NT5C2: variants seen among roughly 807,000 people sequenced by gnomAD.
NT5C2 encodes the protein cytosolic purine 5'-nucleotidase.
Under a neutral mutation model 76.1 loss-of-function variants are expected in NT5C2, and 58 were observed. The ratio of observed to expected loss-of-function variants is 0.76; its 90% CI spans 0.62 to 0.95. The LOEUF (loss-of-function observed/expected upper bound fraction) is 0.95. NT5C2 is among the 40% of genes least tolerant of loss of function. NT5C2 has a pLI of 0.00. For missense variants in NT5C2, 478 were observed against 690.3 expected (o/e 0.69, Z 3.45); for synonymous variants, 229 against 237.4 (o/e 0.96, Z 0.32).
intron 4 of NT5C2, among the ~76,000 whole-genome samples, chr10:103,135,913 C>T (rs1466802919): frequency 6.6e-6 from 1 of 151,584 alleles, no homozygotes; most frequent in African/African-American, 2.4e-5. Flanking sequence ...GGTGAAACCC[C>T]ATCTCTATTA....
intron 4 of NT5C2, among the ~76,000 whole-genome samples, chr10:103,119,695 G>A (rs1158327734): frequency 6.6e-6 from 1 of 152,202 alleles, no homozygotes; most frequent in African/African-American, 2.4e-5. Context: ...GCTATCAATA[G>A]TAAGTTCAGC....
At chr10:103,120,432 A>AT (rs2075424013) in intron 4 of NT5C2, among the ~76,000 whole-genome samples, 1 of 151,784 alleles carries the variant, frequency 6.6e-6, no homozygotes, top group South Asian at 2.1e-4. Context: ...AATATGCAGA[A>AT]TGTGTAACTC....
At chr10:103,146,319 C>T in intron 3 of NT5C2, 7 of 985,406 alleles carry the variant, frequency 7.1e-6, no homozygotes, top group Non-Finnish European at 8.4e-6. Context: ...TCTGTAACTC[C>T]TCCCCTTGCC....
chr10:103,106,650 C>T lies in NT5C2; in HGVS notation c.232G>A (p.Val78Ile), dbSNP rs2071354086. ...LGFELTVERL[V>I]SIGYPQELLS... ...AACTCCTGGGGATAGCCAATAGAAA[C>T]TAATCTCTCCACAGTAAGCTCAAAA... Residue 78 changes from valine to isoleucine, a missense_variant, in exon 5 of 19, where the codon GTT becomes ATT. Coordinates refer to ENST00000404739, the MANE Select transcript of NT5C2 (RefSeq NM_001351169.2). The T allele has an allele frequency of 8.1e-6, 13 of 1,613,906 alleles. No individual in the cohort carries two copies. Among genetic ancestry groups the T allele is most frequent in the Non-Finnish European group, 1.0e-5 (12 of 1,179,834 alleles).
At chr10:103,091,116 C>T in intron 16 of NT5C2, 120 bp from the exon 17 acceptor site, 1 of 795,044 alleles carries the variant, frequency 1.3e-6, no homozygotes, top group Non-Finnish European at 2.1e-6. Context: ...CTCACTGCAA[C>T]CTCTGCCTCC....
intron 3 of NT5C2, chr10:103,146,504 G>C (rs2081509324): frequency 4.6e-6 from 4 of 870,588 alleles, no homozygotes; most frequent in Admixed American, 6.2e-5. Flanking sequence ...TGCTTTTTGA[G>C]AGGGCAAATT....
Position 103,093,965 on chromosome 10 carries a change from G to A in NT5C2, c.988+7C>T, listed in dbSNP as rs756554714. 8.7e-6 allele frequency: 14 copies of A among 1,608,642 alleles called. No individual in the cohort carries two copies. Among genetic ancestry groups the A allele is most frequent in the Middle Eastern group, 1.7e-4 (1 of 6,056 alleles). ...AGACATTAAATAAAGGGAAGTCTGTGACTTACCTCCTGAGTAGACGATACC... is the reference window on the plus strand; with the variant it reads ...AGACATTAAATAAAGGGAAGTCTGTAACTTACCTCCTGAGTAGACGATACC... On this transcript the variant is annotated splice_region_variant and intron_variant, in intron 14 of 18. Coordinates refer to ENST00000404739, the MANE Select transcript of NT5C2 (RefSeq NM_001351169.2).
At chr10:103,178,733 C>T (rs886980181) in intron 2 of NT5C2, among the ~76,000 whole-genome samples, 6 of 150,208 alleles carry the variant, frequency 4.0e-5, no homozygotes, top group Non-Finnish European at 7.4e-5. Context: ...AGGTGGCTGA[C>T]GCAGGAGAAT....
chr10:103,153,400 G>T, intron 3 of NT5C2: 3 of 1,164,704 alleles, frequency 2.6e-6, no homozygotes, highest in South Asian at 3.3e-5. Flanking sequence ...AAAGCACAGA[G>T]AACTCAGGCC....
At chr10:103,125,337 G>GT in intron 4 of NT5C2, 1 of 415,690 alleles carries the variant, frequency 2.4e-6, no homozygotes, top group South Asian at 2.2e-5. Flanking sequence ...GCACAGCCTA[G>GT]TAAGAACCTG....
chr10:103,148,729 T>C (rs2081937612), intron 3 of NT5C2, among the ~76,000 whole-genome samples: 1 of 152,136 alleles, frequency 6.6e-6, no homozygotes, highest in African/African-American at 2.4e-5. Context: ...GAAATTATAA[T>C]ACTCATTTTA....
chr10:103,106,826 T>G, intron 4 of NT5C2, 120 bp from the exon 5 acceptor site: 1 of 705,790 alleles, frequency 1.4e-6, no homozygotes. Context: ...GCCATTTTTC[T>G]TCTTCCCCCT....
intron 3 of NT5C2, chr10:103,169,203 T>A (rs1005021734): frequency 6.6e-6 from 1 of 152,166 alleles, no homozygotes; most frequent in Admixed American, 6.5e-5. Flanking sequence ...GATTTAGCCA[T>A]TCCATATCAA....
chr10:103,146,471 T>C, intron 3 of NT5C2: 3 of 983,824 alleles, frequency 3.0e-6, no homozygotes, highest in Non-Finnish European at 3.6e-6. Flanking sequence ...TTTGCTACAA[T>C]CAAGAAAAGA....
At chr10:103,181,135 A>G (rs1219541921) in intron 2 of NT5C2, 50 bp downstream of exon 2, 2 of 151,980 alleles carry the variant, frequency 1.3e-5, no homozygotes, top group African/African-American at 4.8e-5. Context: ...TCATGGGTAC[A>G]TATATATATG....
At chr10:103,136,869 C>T (rs763967800) in intron 4 of NT5C2, among the ~76,000 whole-genome samples, 15 of 152,092 alleles carry the variant, frequency 9.9e-5, no homozygotes, top group Non-Finnish European at 1.5e-4. Flanking sequence ...GTAATCCACC[C>T]GCCTCAGTCT....
chr10:103,096,988 GTT>G (rs2068374922), intron 11 of NT5C2, among the ~76,000 whole-genome samples: 1 of 151,472 alleles, frequency 6.6e-6, no homozygotes, highest in South Asian at 2.1e-4. Context: ...GACTGCTCAA[GTT>G]TATAGAAATG....
chr10:103,147,314 C>T (rs2081648386), intron 3 of NT5C2, among the ~76,000 whole-genome samples: 1 of 152,216 alleles, frequency 6.6e-6, no homozygotes, highest in Non-Finnish European at 1.5e-5. Context: ...CCACATCATG[C>T]ACCTTTGGCT....
chr10:103,105,545 C>T lies in NT5C2; in HGVS notation c.389+161G>A, dbSNP rs567554762. ...TGCTAACTATATGTCAGTTTGGGTT[C>T]CAACTGCCTAATAAATAACTGTTAA... On this transcript the variant is annotated intron_variant, in intron 6 of 18. Transcript: ENST00000404739. 5.3e-4 allele frequency among the ~76,000 whole-genome samples: 81 copies of T among 152,210 alleles called. 1 individual carries two copies. The highest frequency in any genetic ancestry group is 1.7e-3 in the African/African-American group (72 of 41,550).
Sources: gnomAD v4.1 joint callset for allele counts (sites outside exome capture counted in the v4.1 genomes callset) on GRCh38, gnomAD v4.1.1 for gene constraint, MANE v1.5 for transcripts, NCBI Gene and HGNC (gene_info 2026-07-23, HGNC 2026-07-21) for gene names.